Variants in BRWD3 observed in about 807,000 individuals in gnomAD.
The protein encoded by BRWD3 is bromodomain and WD repeat domain containing 3, also known as bromodomain and WD repeat-containing protein 3.
Under a neutral mutation model 149.7 loss-of-function variants are expected in BRWD3, and 10 were observed. The observed-to-expected ratio is 0.07, with a 90% CI of 0.04 to 0.11. The LOEUF is 0.11. Ranked by LOEUF, BRWD3 falls within the 10% of genes least tolerant of loss-of-function variation. BRWD3 has a pLI of 1.00. For synonymous variants in BRWD3, 504 were observed against 456.7 expected (o/e 1.10, Z -1.32); for missense variants, 940 against 1,373.2 (o/e 0.68, Z 4.99).
intron 30 of BRWD3, 95 bp downstream of exon 30, chrX:80,691,728 G>A (rs2072613591): frequency 9.5e-7 from 1 of 1,053,932 alleles, no homozygotes; most frequent in African/African-American, 1.8e-5. Flanking sequence ...GAAGTGTACA[G>A]TGAGAAACTG....
At chrX:80,679,094 T>C (rs1367212722) in intron 40 of BRWD3, among the ~76,000 whole-genome samples, 1 of 112,242 alleles carries the variant, frequency 8.9e-6, no homozygotes, top group Non-Finnish European at 1.9e-5. Context: ...TATGGCACTT[T>C]CACAATGGAC....
chrX:80,752,980 T>C (rs771269516), intron 6 of BRWD3, among the ~76,000 whole-genome samples: 292 of 112,204 alleles, frequency 2.6e-3, no homozygotes, highest in Admixed American at 5.1e-3. Flanking sequence ...TTTTTTTGTA[T>C]ACCTGTTGGC....
Position 80,674,845 on chromosome X carries a change from C to T in BRWD3, c.*1764G>A, listed in dbSNP as rs766337399. ...AGTCCAAGAATAACCCTACTGCCGACCCTACCAAAAAAGCAAAGTTTTATG... is the reference window on the plus strand; with the variant it reads ...AGTCCAAGAATAACCCTACTGCCGATCCTACCAAAAAAGCAAAGTTTTATG... On this transcript the variant is annotated 3_prime_UTR_variant, in exon 41 of 41. Coordinates refer to ENST00000373275, the MANE Select transcript of BRWD3 (RefSeq NM_153252.5). The T allele has an allele frequency of 8.9e-6, 1 of 111,778 alleles. No homozygotes were observed. The highest frequency in any genetic ancestry group is 3.2e-5 in the African/African-American group (1 of 30,872). 9.2% of individuals were successfully genotyped at this position (111,778 alleles called of 1,213,427 possible). A position where few individuals can be genotyped will look rare whatever the true frequency, so the allele number is the denominator to read the frequency against.
chrX:80,787,763 G>A (rs1374961884), intron 6 of BRWD3, among the ~76,000 whole-genome samples: 1 of 111,636 alleles, frequency 9.0e-6, no homozygotes, highest in Non-Finnish European at 1.9e-5. Flanking sequence ...TGATAAATTA[G>A]ACTTCAGCAA....
intron 4 of BRWD3, 38 bp downstream of exon 4, chrX:80,808,500 GA>G: frequency 8.6e-7 from 1 of 1,160,507 alleles, no homozygotes. Context: ...AGGGAGTGGT[GA>G]AAGAGTTAGG....
chrX:80,729,800 T>C lies in BRWD3; in HGVS notation c.1232+116A>G, dbSNP rs192889133. ...AGAGGCTGTACAGATGCAAACTTCA[T>C]GTCTACAATTAACTTCAAACTATTT... On this transcript the variant is annotated intron_variant, in intron 13 of 40. Coordinates refer to ENST00000373275, the MANE Select transcript of BRWD3 (RefSeq NM_153252.5). 6 of 545,058 alleles carry C rather than the reference T, an allele frequency of 1.1e-5. No homozygotes were observed. The East Asian group carries it at 1.2e-4, about 10-fold the overall frequency. 44.9% of individuals were successfully genotyped at this position (545,058 alleles called of 1,213,427 possible).
chrX:80,713,100 C>A (rs1486072088), intron 20 of BRWD3, among the ~76,000 whole-genome samples: 1 of 108,582 alleles, frequency 9.2e-6, no homozygotes, highest in South Asian at 4.1e-4. Flanking sequence ...CCAGCCGCCC[C>A]GTCCGGGAGG....
At chrX:80,743,214 G>A (rs901471852) in intron 8 of BRWD3, among the ~76,000 whole-genome samples, 1 of 112,054 alleles carries the variant, frequency 8.9e-6, no homozygotes, top group African/African-American at 3.2e-5. Context: ...ATTTGCATAT[G>A]TTGAACCAGC....
At chrX:80,787,182 T>C (rs900595943) in intron 6 of BRWD3, among the ~76,000 whole-genome samples, 1 of 111,710 alleles carries the variant, frequency 9.0e-6, no homozygotes, top group Non-Finnish European at 1.9e-5. Context: ...ACCTGAACAC[T>C]GAAAACTACA....
chrX:80,741,066 C>T lies in BRWD3; in HGVS notation c.813+2966G>A, dbSNP rs1318102645. On this transcript the variant is annotated intron_variant, in intron 8 of 40. Coordinates refer to ENST00000373275, the MANE Select transcript of BRWD3 (RefSeq NM_153252.5). ...CTACTGCTATCCATCCCCCCTCCCCCACCCCACAACAGGCCCTGGTGTGTG... is the reference window on the plus strand; with the variant it reads ...CTACTGCTATCCATCCCCCCTCCCCTACCCCACAACAGGCCCTGGTGTGTG... Among the ~76,000 whole-genome samples the T allele has an allele frequency of 2.7e-5, 3 of 110,473 alleles. No homozygotes were observed. In the East Asian group the frequency reaches 8.6e-4, roughly 32 times the overall value.
chrX:80,745,115 C>T (rs1253419886), intron 7 of BRWD3, among the ~76,000 whole-genome samples: 1 of 110,712 alleles, frequency 9.0e-6, no homozygotes, highest in Non-Finnish European at 1.9e-5. Flanking sequence ...ATAACCAGTA[C>T]TGAAACCAAA....
At chrX:80,805,664 G>A (rs1478414201) in intron 4 of BRWD3, among the ~76,000 whole-genome samples, 4 of 112,110 alleles carry the variant, frequency 3.6e-5, no homozygotes, top group Non-Finnish European at 5.6e-5. Context: ...GGCCGGGCGC[G>A]GTGGCTCATG....
intron 17 of BRWD3, 104 bp downstream of exon 17, chrX:80,722,458 T>A (rs1177710345): frequency 1.3e-6 from 1 of 745,715 alleles, no homozygotes; most frequent in South Asian, 2.3e-5. Flanking sequence ...AAACATATTA[T>A]AACCTACTCC....
At chrX:80,726,718 T>C (rs1328989776) in intron 14 of BRWD3, among the ~76,000 whole-genome samples, 1 of 111,051 alleles carries the variant, frequency 9.0e-6, no homozygotes, top group African/African-American at 3.3e-5. Context: ...AAATACACCT[T>C]GCTGAAAGAA....
chrX:80,791,276 C>G (rs1398521262), intron 6 of BRWD3, among the ~76,000 whole-genome samples: 1 of 111,410 alleles, frequency 9.0e-6, no homozygotes, highest in Non-Finnish European at 1.9e-5. Flanking sequence ...ATTACTCACC[C>G]AGCACCTTGG....
chrX:80,796,215 C>G (rs1274997249), intron 4 of BRWD3, among the ~76,000 whole-genome samples: 1 of 109,299 alleles, frequency 9.1e-6, no homozygotes. Flanking sequence ...ACTGCAACCT[C>G]CGCCTCCTGG....
intron 8 of BRWD3, among the ~76,000 whole-genome samples, chrX:80,742,699 G>A (rs1042637772): frequency 3.6e-5 from 4 of 110,877 alleles, no homozygotes; most frequent in African/African-American, 1.3e-4. Flanking sequence ...CTCTCTGTTT[G>A]TCTGTTATTG....
rs1033865849 is a variant in BRWD3, at chrX:80,685,519, C to T, written c.4023G>A (p.Glu1341=). 2.2e-5 allele frequency: 26 copies of T among 1,205,115 alleles called. No individual in the cohort carries two copies. Among genetic ancestry groups the T allele is most frequent in the Non-Finnish European group, 2.8e-5 (25 of 891,497 alleles). Residue 1341 remains glutamate (E), a synonymous_variant, in exon 36 of 41, where the codon GAG becomes GAA. Coordinates refer to ENST00000373275, the MANE Select transcript of BRWD3 (RefSeq NM_153252.5). ...LLSYPGHQEQ[E]GESSESVVPE... is the part of the protein sequence containing the mutation. The stretch of plus-strand genomic sequence containing the variant: ...GAACAACAGACTCTGAGGATTCTCC[C>T]TCTTGCTCCTGATGACCCTATTAGG...
chrX:80,794,528 A>T (rs149975189), intron 4 of BRWD3, among the ~76,000 whole-genome samples: 17,021 of 108,200 alleles, frequency 0.16, 1,034 homozygotes, highest in South Asian at 0.42. Context: ...TAAATAAAAA[A>T]ATATATATAT....
Sources: allele counts gnomAD v4.1 joint callset (sites outside exome capture counted in the v4.1 genomes callset), GRCh38; gene constraint gnomAD v4.1.1; transcripts MANE v1.5; gene names NCBI Gene and HGNC (gene_info 2026-07-23, HGNC 2026-07-21).